Variants in CTNNA1 observed in about 807,000 individuals in gnomAD.
CTNNA1 encodes the protein catenin alpha-1.
In CTNNA1, 37 loss-of-function variants were observed where a neutral mutation model predicts 98.4. The ratio of observed to expected loss-of-function variants is 0.38; its 90% CI spans 0.29 to 0.49. The LOEUF is 0.49. Ranked by LOEUF, CTNNA1 falls within the 20% of genes least tolerant of loss-of-function variation. The probability of loss-of-function intolerance (pLI) is 0.95; values close to 1 mark genes in which losing one functional copy is unlikely to be tolerated. For synonymous variants in CTNNA1, 404 were observed against 413.2 expected (o/e 0.98, Z 0.27); for missense variants, 761 against 1,147.2 (o/e 0.66, Z 4.86).
intron 1 of CTNNA1, 57 bp downstream of exon 1, chr5:138,753,567 C>T: frequency 2.7e-6 from 1 of 364,496 alleles, no homozygotes; most frequent in Non-Finnish European, 4.9e-6. Flanking sequence ...CCGAGAGGGT[C>T]CTTGGGCCGG....
At chr5:138,848,078 T>C (rs900729146) in intron 7 of CTNNA1, among the ~76,000 whole-genome samples, 4 of 152,236 alleles carry the variant, frequency 2.6e-5, no homozygotes, top group African/African-American at 9.6e-5. Flanking sequence ...CTTCCAGAGA[T>C]GTTTGAACTA....
rs374226485 is a variant in CTNNA1 at position 138,760,624 on chromosome 5, G to A, written c.-3+7114G>A. On this transcript the variant is annotated intron_variant, in intron 1 of 17. Coordinates refer to ENST00000302763, the MANE Select transcript of CTNNA1 (RefSeq NM_001903.5). Reference sequence around the variant, plus strand: ...CAAATGATTCACCTGCCTCAGCCTCGAAAACTGCTGGGATTACAGGCGTGA... The same window carrying A: ...CAAATGATTCACCTGCCTCAGCCTCAAAAACTGCTGGGATTACAGGCGTGA... 2.3e-3 allele frequency among the ~76,000 whole-genome samples: 348 copies of A among 152,024 alleles called. 2 individuals are homozygous for A. The highest frequency in any genetic ancestry group is 7.8e-3 in the African/African-American group (323 of 41,480).
intron 7 of CTNNA1, among the ~76,000 whole-genome samples, chr5:138,851,924 G>A (rs1763222166): frequency 6.6e-6 from 1 of 151,662 alleles, no homozygotes; most frequent in Non-Finnish European, 1.5e-5. Flanking sequence ...CAAAAAATTA[G>A]CCAGGCATGA....
chr5:138,823,956 CAAAAAAAAAAAAA>C (rs369653057), intron 5 of CTNNA1, among the ~76,000 whole-genome samples: 4 of 64,422 alleles, frequency 6.2e-5, no homozygotes, highest in African/African-American at 2.1e-4. Flanking sequence ...GACTCCGTCT[CAAAAAAAAAAAAA>C]AAAAAAAAAA....
chr5:138,930,654 G>A lies in CTNNA1; in HGVS notation c.2192G>A (p.Arg731Gln), dbSNP rs1294176302. 1 of 1,610,854 alleles carries A rather than the reference G, an allele frequency of 6.2e-7. No individual in the cohort carries two copies. Among genetic ancestry groups the A allele is most frequent in the Non-Finnish European group, 8.5e-7 (1 of 1,178,110 alleles). Residue 731 changes from arginine to glutamine, a missense_variant and splice_region_variant, in exon 15 of 18, where the codon CGA (arginine) becomes CAA (glutamine). Arg to Gln is a conservative substitution (Grantham distance 43, BLOSUM62 1). This residue lies in a region of CTNNA1 where 77 missense variants were observed against 198.8 expected (regional missense o/e 0.39). Transcript: ENST00000302763. Reference protein sequence around the residue: ...MIMMEMTDFTRGKGPLKNTSD... With the variant: ...MIMMEMTDFTQGKGPLKNTSD... ...ATGATGGAGATGACAGACTTTACCC[G>A]GTGAGCAGCACCCCGGCCCCACCAG...
At chr5:138,767,851 C>T (rs1210416268) in intron 1 of CTNNA1, among the ~76,000 whole-genome samples, 2 of 152,192 alleles carry the variant, frequency 1.3e-5, no homozygotes, top group African/African-American at 4.8e-5. Flanking sequence ...CTGTCACACT[C>T]AAGACCTTTT....
At chr5:138,755,535 C>CT (rs1317401663) in intron 1 of CTNNA1, among the ~76,000 whole-genome samples, 1 of 152,202 alleles carries the variant, frequency 6.6e-6, no homozygotes, top group African/African-American at 2.4e-5. Flanking sequence ...GATGTGGCAT[C>CT]ACCTTCACTC....
At chr5:138,908,023 G>T (rs1759668752) in intron 10 of CTNNA1, among the ~76,000 whole-genome samples, 1 of 151,730 alleles carries the variant, frequency 6.6e-6, no homozygotes, top group South Asian at 2.1e-4. Context: ...TGTCACCCAG[G>T]CTGGAGTGCA....
chr5:138,775,761 C>A (rs556115020), intron 1 of CTNNA1, among the ~76,000 whole-genome samples: 129 of 138,220 alleles, frequency 9.3e-4, no homozygotes, highest in African/African-American at 3.2e-3. Context: ...TTGCTCTGTC[C>A]GCCCAGGCTG....
At chr5:138,916,140 G>GACAA (rs1313368129) in intron 10 of CTNNA1, among the ~76,000 whole-genome samples, 1 of 127,138 alleles carries the variant, frequency 7.9e-6, no homozygotes, top group African/African-American at 3.2e-5. Context: ...ATCCAGAATA[G>GACAA]ACAAATCCAT....
intron 1 of CTNNA1, among the ~76,000 whole-genome samples, chr5:138,765,670 G>A (rs985035389): frequency 6.6e-6 from 1 of 152,042 alleles, no homozygotes; most frequent in African/African-American, 2.4e-5. Flanking sequence ...AAGAATTGGC[G>A]CTGGGCGAGG....
intron 5 of CTNNA1, 61 bp from the exon 6 acceptor site, chr5:138,824,469 T>G: frequency 6.5e-7 from 1 of 1,546,038 alleles, no homozygotes; most frequent in Non-Finnish European, 8.7e-7. Context: ...CCAGCAAATT[T>G]TTATATGAGT....
chr5:138,923,140 A>G (rs1311390861), intron 11 of CTNNA1, among the ~76,000 whole-genome samples: 2 of 152,176 alleles, frequency 1.3e-5, no homozygotes, highest in Non-Finnish European at 2.9e-5. Context: ...TTCCTTAGCA[A>G]TGCAAGTTTC....
At chr5:138,878,168 G>A (rs966564949) in intron 7 of CTNNA1, among the ~76,000 whole-genome samples, 6 of 152,170 alleles carry the variant, frequency 3.9e-5, no homozygotes, top group African/African-American at 1.2e-4. Context: ...ACTAATGCTT[G>A]CAGTATCATG....
At chr5:138,797,897 TTAAA>T (rs1757143115) in intron 3 of CTNNA1, among the ~76,000 whole-genome samples, 3 of 151,456 alleles carry the variant, frequency 2.0e-5, no homozygotes, top group African/African-American at 7.3e-5. Context: ...AAAAAAAAAT[TTAAA>T]AAAAGCAGTT....
chr5:138,808,652 T>C (rs1473637988), intron 3 of CTNNA1, among the ~76,000 whole-genome samples: 1 of 150,806 alleles, frequency 6.6e-6, no homozygotes, highest in Non-Finnish European at 1.5e-5. Context: ...AGGAGAAATT[T>C]GATAGGTCTG....
intron 7 of CTNNA1, among the ~76,000 whole-genome samples, chr5:138,836,547 GC>G (rs1761788430): frequency 6.6e-6 from 1 of 152,188 alleles, no homozygotes; most frequent in Admixed American, 6.5e-5. Flanking sequence ...GCAGTATTTA[GC>G]AGGCAAGTTC....
Position 138,812,712 on chromosome 5 carries a change from C to T in CTNNA1, c.588+410C>T, listed in dbSNP as rs188613907. Among the ~76,000 whole-genome samples, 739 of 152,266 alleles carry T rather than the reference C, an allele frequency of 4.9e-3. 2 individuals are homozygous for T. The highest frequency in any genetic ancestry group is 0.017 in the African/African-American group (704 of 41,550). On this transcript the variant is annotated intron_variant, in intron 5 of 17. Coordinates refer to ENST00000302763, the MANE Select transcript of CTNNA1 (RefSeq NM_001903.5). The stretch of plus-strand genomic sequence containing the variant: ...TCTCCATACCTTGCCCCACCAGCCC[C>T]GTGTCTTGTTACTTTTTAACTGTTT...
At chr5:138,770,825 G>T (rs904841876) in intron 1 of CTNNA1, among the ~76,000 whole-genome samples, 1 of 151,964 alleles carries the variant, frequency 6.6e-6, no homozygotes, top group East Asian at 1.9e-4. Context: ...GGTGGTGGGC[G>T]CCTGTAGTCC....
Sources: gnomAD v4.1 joint callset for allele counts (sites outside exome capture counted in the v4.1 genomes callset) on GRCh38, gnomAD v4.1.1 for gene constraint, gnomAD v4.1.1 regional missense constraint, MANE v1.5 for transcripts, NCBI Gene and HGNC (gene_info 2026-07-23, HGNC 2026-07-21) for gene names.